CATSPERE: variants seen among roughly 807,000 people sequenced by gnomAD.
CATSPERE encodes the protein catsper channel auxiliary subunit epsilon.
Under a neutral mutation model 114.1 loss-of-function variants are expected in CATSPERE, and 93 were observed. The observed-to-expected ratio is 0.81, with a 90% CI of 0.69 to 0.97. CATSPERE has a LOEUF of 0.97. Ranked by LOEUF, CATSPERE falls within the 50% of genes least tolerant of loss-of-function variation. The pLI, the probability that CATSPERE is intolerant of heterozygous loss-of-function variation, is 0.00. For synonymous variants in CATSPERE, 341 were observed against 384.1 expected, an observed-to-expected ratio of 0.89 and a Z score of 1.31; for missense variants, 1,058 against 1,131.6, an observed-to-expected ratio of 0.93 and a Z score of 0.93.
At chr1:244,534,131 C>T (rs1261410962) in intron 8 of CATSPERE, among the ~76,000 whole-genome samples, 5 of 152,114 alleles carry the variant, frequency 3.3e-5, no homozygotes, top group South Asian at 2.1e-4. Flanking sequence ...TGCTGCCAGA[C>T]ATATTGGACC....
intron 8 of CATSPERE, among the ~76,000 whole-genome samples, chr1:244,519,625 A>G (rs1166212341): frequency 6.6e-6 from 1 of 152,152 alleles, no homozygotes; most frequent in Non-Finnish European, 1.5e-5. Context: ...TGTGCCCTAC[A>G]ATGGGATGGC....
At chr1:244,612,433 G>A (rs1670864516) in intron 19 of CATSPERE, among the ~76,000 whole-genome samples, 2 of 151,720 alleles carry the variant, frequency 1.3e-5, no homozygotes, top group Admixed American at 1.3e-4. Context: ...CTCTGGGACT[G>A]TAAATTCTTA....
chr1:244,590,596 C>T (rs1240913921), intron 14 of CATSPERE, among the ~76,000 whole-genome samples: 1 of 152,180 alleles, frequency 6.6e-6, no homozygotes, highest in African/African-American at 2.4e-5. Flanking sequence ...TTCCCATTCT[C>T]CCTTTCCCCC....
chr1:244,531,421 G>A (rs552646842), intron 8 of CATSPERE, among the ~76,000 whole-genome samples: 98 of 152,054 alleles, frequency 6.4e-4, no homozygotes, highest in African/African-American at 2.2e-3. Context: ...TAGAGGAAAA[G>A]CTTTTAGTTT....
intron 3 of CATSPERE, 91 bp from the exon 4 acceptor site, chr1:244,477,815 A>G (rs1391306592): frequency 1.6e-5 from 18 of 1,113,078 alleles, no homozygotes; most frequent in South Asian, 4.2e-5. Flanking sequence ...TCAGCATACA[A>G]TTGAAATTTT....
At chr1:244,551,980 C>T (rs1037892118) in intron 8 of CATSPERE, among the ~76,000 whole-genome samples, 5 of 138,438 alleles carry the variant, frequency 3.6e-5, no homozygotes, top group Admixed American at 8.5e-5. Context: ...AGGAGAATGG[C>T]ATGAGCCCGA....
chr1:244,600,512 T>G (rs1031172253), intron 17 of CATSPERE, among the ~76,000 whole-genome samples: 2 of 152,206 alleles, frequency 1.3e-5, no homozygotes, highest in African/African-American at 4.8e-5. Context: ...TCAGGCCTCC[T>G]ATGGATCTGA....
rs115128358 is a variant in CATSPERE, at chr1:244,594,110, A to C, written c.2303+532A>C. ...CTGAGGCAGAGGATGGCCTGAGCCC[A>C]GGAGATCGAGATCAGCATAGGCAAC... On this transcript the variant is annotated intron_variant, in intron 17 of 21. Transcript: ENST00000366534. Among the ~76,000 whole-genome samples, 764 of 152,306 alleles carry C rather than the reference A, an allele frequency of 5.0e-3. 9 individuals are homozygous for C. Among genetic ancestry groups the C allele is most frequent in the African/African-American group, 0.018 (744 of 41,564 alleles).
chr1:244,517,114 A>G (rs920913319), intron 7 of CATSPERE, among the ~76,000 whole-genome samples: 3 of 151,910 alleles, frequency 2.0e-5, no homozygotes, highest in African/African-American at 7.3e-5. Flanking sequence ...TGAAGAAAAC[A>G]CTAATGTGGT....
In CATSPERE at chr1:244,605,885, TAG is replaced by T. The variant is rs369372675; in HGVS notation, c.2403+93_2403+94del. 174 of 853,536 alleles carry T rather than the reference TAG, an allele frequency of 2.0e-4. No homozygotes were observed. In the East Asian group the frequency reaches 4.2e-3, roughly 21 times the overall value. The allele number at this position is 853,536 out of a possible 1,614,324, so 52.9% of individuals were successfully genotyped here. On this transcript the variant is annotated intron_variant, in intron 18 of 21. Transcript: ENST00000366534. Reference sequence around the variant, plus strand: ...TTATAAATAAGCGATCTAAGGAAAATAGAATAAGGCAGCAGTGGGTAGGAAAA... The same window carrying T: ...TTATAAATAAGCGATCTAAGGAAAATAATAAGGCAGCAGTGGGTAGGAAAA...
chr1:244,621,267 A>ATAAATATATT lies in CATSPERE; in HGVS notation c.2648+3583_2648+3584insAATATATTTA, dbSNP rs1223879211. Among the ~76,000 whole-genome samples the ATAAATATATT allele has an allele frequency of 1.7e-4, 20 of 117,160 alleles. 4 individuals carry two copies. Among genetic ancestry groups the ATAAATATATT allele is most frequent in the Non-Finnish European group, 3.6e-4 (20 of 55,572 alleles). The allele number at this position is 117,160 out of a possible 152,430, so 76.9% of individuals were successfully genotyped here. On this transcript the variant is annotated intron_variant, in intron 20 of 21. Coordinates refer to ENST00000366534, the MANE Select transcript of CATSPERE (RefSeq NM_001130957.2). ...GATATATTTATATAGATATATTTAT[A>ATAAATATATT]TAGATATATCTATATAGATATATCT...
At chr1:244,527,863 A>T (rs764152798) in intron 8 of CATSPERE, among the ~76,000 whole-genome samples, 1 of 152,122 alleles carries the variant, frequency 6.6e-6, no homozygotes, top group Non-Finnish European at 1.5e-5. Context: ...CAGTCCTCCC[A>T]TCTCAGCCTC....
intron 5 of CATSPERE, among the ~76,000 whole-genome samples, chr1:244,488,897 A>G (rs4658642): frequency 0.16 from 24,535 of 152,130 alleles, 2,376 homozygotes; most frequent in East Asian, 0.3. Flanking sequence ...TATTCATTAT[A>G]TGGTCTCAGA....
chr1:244,451,587 GCCCGAGCT>G (rs1467880217), upstream of CATSPERE: 1 of 1,554,352 alleles, frequency 6.4e-7, no homozygotes, highest in African/African-American at 1.4e-5. The surrounding 1 kb of genome is among the most constrained non-coding windows in gnomAD (Gnocchi z 6.6). Context: ...GAGCCAGGCA[GCCCGAGCT>G]CCCGGGCCCG....
chr1:244,589,011 A>G (rs1444200612), intron 14 of CATSPERE, among the ~76,000 whole-genome samples: 4 of 152,178 alleles, frequency 2.6e-5, no homozygotes, highest in Non-Finnish European at 5.9e-5. Flanking sequence ...TAGCAGAACC[A>G]CAGTGATTGC....
chr1:244,511,539 T>G (rs1241421101), intron 7 of CATSPERE, among the ~76,000 whole-genome samples: 1 of 152,230 alleles, frequency 6.6e-6, no homozygotes, highest in Non-Finnish European at 1.5e-5. Flanking sequence ...GTATATCCTT[T>G]GTTCCTTCAT....
At chr1:244,539,428 A>C (rs1658225238) in intron 8 of CATSPERE, among the ~76,000 whole-genome samples, 1 of 135,660 alleles carries the variant, frequency 7.4e-6, no homozygotes, top group African/African-American at 2.7e-5. Flanking sequence ...ATTGGTCTAA[A>C]ATTCTCTTTT....
chr1:244,514,603 G>A (rs1676288650), intron 7 of CATSPERE, among the ~76,000 whole-genome samples: 2 of 152,126 alleles, frequency 1.3e-5, no homozygotes, highest in South Asian at 4.1e-4. Context: ...GCCGAGGCGG[G>A]TGGATCACGA....
chr1:244,492,441 A>T (rs1401376768), intron 6 of CATSPERE, among the ~76,000 whole-genome samples: 2 of 149,888 alleles, frequency 1.3e-5, no homozygotes, highest in Non-Finnish European at 3.0e-5. Context: ...GATGGGACAT[A>T]TCTCAAAATA....
Sources: allele counts gnomAD v4.1 joint callset (sites outside exome capture counted in the v4.1 genomes callset), GRCh38; gene constraint gnomAD v4.1.1; non-coding constraint Gnocchi (gnomAD v3.1); transcripts MANE v1.5; gene names NCBI Gene and HGNC (gene_info 2026-07-23, HGNC 2026-07-21).